ADRA1B: variants seen among roughly 807,000 people sequenced by gnomAD.
The protein encoded by ADRA1B is alpha-1B adrenergic receptor.
In ADRA1B, 17 loss-of-function variants were observed where a neutral mutation model predicts 17.9. That is an observed-to-expected ratio of 0.95 (90% CI 0.65 to 1.42). The LOEUF (loss-of-function observed/expected upper bound fraction) is 1.42, where lower values mean the gene tolerates loss of function less well. ADRA1B is among the 40% of genes most tolerant of loss of function. The pLI is 0.00. For synonymous variants in ADRA1B, 366 were observed against 327.6 expected (o/e 1.12, Z -1.27); for missense variants, 681 against 722.1 (o/e 0.94, Z 0.65).
intron 1 of ADRA1B, among the ~76,000 whole-genome samples, chr5:159,946,657 T>G (rs1041601297): frequency 6.6e-6 from 1 of 152,254 alleles, no homozygotes; most frequent in Non-Finnish European, 1.5e-5. Context: ...GCCACGATGA[T>G]TTGAATTTTG....
intron 1 of ADRA1B, chr5:159,887,984 C>T (rs1159978856): frequency 1.3e-5 from 2 of 152,044 alleles, no homozygotes; most frequent in Non-Finnish European, 2.9e-5. Flanking sequence ...AATAATATTA[C>T]TCATAACATT....
At chr5:159,947,998 T>C (rs1324872225) in intron 1 of ADRA1B, 3 of 985,334 alleles carry the variant, frequency 3.0e-6, no homozygotes, top group African/African-American at 3.5e-5. Flanking sequence ...TTTGATCAAT[T>C]ACATTGCTGC....
chr5:159,883,754 A>G (rs1753891974), intron 1 of ADRA1B, among the ~76,000 whole-genome samples: 1 of 152,226 alleles, frequency 6.6e-6, no homozygotes, highest in Non-Finnish European at 1.5e-5. Context: ...AGGGTGATGA[A>G]CATCTTACTC....
At chr5:159,890,760 A>G (rs1309115644) in intron 1 of ADRA1B, among the ~76,000 whole-genome samples, 1 of 152,226 alleles carries the variant, frequency 6.6e-6, no homozygotes, top group Non-Finnish European at 1.5e-5. Context: ...CTTCTACCAC[A>G]TTCTATTGGT....
the ADRA1B span, among the ~76,000 whole-genome samples, chr5:159,980,409 A>G: frequency 6.6e-6 from 1 of 152,186 alleles, no homozygotes; most frequent in Non-Finnish European, 1.5e-5. Context: ...CTGGCCCCAA[A>G]TGAGAAATGT....
chr5:159,867,544 TAGTATTTTACAGCTATACTTGCTGTA>T (rs1393871967), intron 1 of ADRA1B, among the ~76,000 whole-genome samples: 14 of 152,174 alleles, frequency 9.2e-5, no homozygotes, highest in African/African-American at 2.7e-4. Context: ...TACTTGCTGT[TAGTATTTTACAGCTATACTTGCTGTA>T]AGTATTTTAC....
At chr5:159,870,781 CATAA>C (rs1581014683) in intron 1 of ADRA1B, 1 of 152,206 alleles carries the variant, frequency 6.6e-6, no homozygotes, top group South Asian at 2.1e-4. Flanking sequence ...CAAAAAAAGT[CATAA>C]ATAGAGGATA....
intron 1 of ADRA1B, among the ~76,000 whole-genome samples, chr5:159,871,677 G>A (rs1223610990): frequency 2.0e-5 from 3 of 151,948 alleles, no homozygotes; most frequent in Admixed American, 2.0e-4. Context: ...TTCCATTAAA[G>A]TCACATTCAC....
intron 1 of ADRA1B, among the ~76,000 whole-genome samples, chr5:159,931,206 A>G (rs1014192493): frequency 9.7e-5 from 11 of 113,982 alleles, no homozygotes; most frequent in African/African-American, 3.4e-4. Flanking sequence ...TCTGGGCAAC[A>G]TAGGGAGACC....
At chr5:159,868,668 TG>T (rs1581013778) in intron 1 of ADRA1B, 1 of 152,206 alleles carries the variant, frequency 6.6e-6, no homozygotes, top group South Asian at 2.1e-4. Context: ...GCATAGTTTT[TG>T]TAAGGCCAGA....
the ADRA1B span, among the ~76,000 whole-genome samples, chr5:159,987,496 T>A: frequency 2.6e-5 from 4 of 152,220 alleles, no homozygotes; most frequent in Admixed American, 6.5e-5. Flanking sequence ...CCCTTTCCCC[T>A]GAGCAGGTGC....
intron 1 of ADRA1B, chr5:159,948,568 A>T (rs959745120): frequency 2.9e-6 from 2 of 700,590 alleles, no homozygotes; most frequent in African/African-American, 3.9e-5. Flanking sequence ...GATAGTAAAA[A>T]GCCACCCCTT....
intron 1 of ADRA1B, among the ~76,000 whole-genome samples, chr5:159,944,720 G>A (rs1204715227): frequency 3.3e-5 from 5 of 151,940 alleles, no homozygotes; most frequent in Non-Finnish European, 7.4e-5. Flanking sequence ...ATGGGGGGTT[G>A]GGGGAGAAGC....
At chr5:159,876,910 GTTTCAGGTAC>G (rs1430844617) in intron 1 of ADRA1B, among the ~76,000 whole-genome samples, 1 of 152,186 alleles carries the variant, frequency 6.6e-6, no homozygotes, top group Non-Finnish European at 1.5e-5. Flanking sequence ...TGGCGCTTGT[GTTTCAGGTAC>G]TTGCCTGGCC....
chr5:159,919,962 C>G (rs1581034056), intron 1 of ADRA1B, among the ~76,000 whole-genome samples: 1 of 152,236 alleles, frequency 6.6e-6, no homozygotes, highest in South Asian at 2.1e-4. Flanking sequence ...CTTTGCTTCT[C>G]TAGGCTTCAG....
At chr5:159,886,722 C>T (rs1411063911) in intron 1 of ADRA1B, among the ~76,000 whole-genome samples, 3 of 152,110 alleles carry the variant, frequency 2.0e-5, no homozygotes, top group African/African-American at 7.2e-5. Context: ...GAAACCCACT[C>T]TTACATTGCG....
chr5:159,954,483 T>C (rs1755515315), intron 1 of ADRA1B, among the ~76,000 whole-genome samples: 1 of 152,170 alleles, frequency 6.6e-6, no homozygotes, highest in Non-Finnish European at 1.5e-5. Flanking sequence ...CCTGGCAGGA[T>C]AGGACTTCAA....
intron 1 of ADRA1B, chr5:159,947,596 A>T: frequency 3.6e-6 from 2 of 562,890 alleles, no homozygotes; most frequent in African/African-American, 2.0e-5. Context: ...TTTCCCTTTT[A>T]CATTCTTTTT....
chr5:159,972,271 A>G lies in ADRA1B; in HGVS notation c.1342A>G (p.Lys448Glu). 1 of 1,329,056 alleles carries G rather than the reference A, an allele frequency of 7.5e-7. No homozygotes were observed. Among genetic ancestry groups the G allele is most frequent in the Non-Finnish European group, 9.6e-7 (1 of 1,039,158 alleles). 82.3% of individuals were successfully genotyped at this position (1,329,056 alleles called of 1,614,324 possible). ...CGAGCTGTGCGCCTTCCCCGAGTGGAAGGCGCCCGGCGCCCTCCTGAGCCT... is the reference window on the plus strand; with the variant it reads ...CGAGCTGTGCGCCTTCCCCGAGTGGGAGGCGCCCGGCGCCCTCCTGAGCCT... ...PVELCAFPEW[K>E]APGALLSLPA... Residue 448 changes from lysine to glutamate, a missense_variant, in exon 2 of 2, where the codon AAG becomes GAG. This residue lies in a region of ADRA1B where 251 missense variants were observed against 224.9 expected (regional missense o/e 1.12). Transcript: ENST00000306675.
Sources: allele counts gnomAD v4.1 joint callset (sites outside exome capture counted in the v4.1 genomes callset), GRCh38; gene constraint gnomAD v4.1.1; regional missense constraint gnomAD v4.1.1; transcripts MANE v1.5; gene names NCBI Gene and HGNC (gene_info 2026-07-23, HGNC 2026-07-21).